The following NPLOC4 variants were observed in gnomAD, a reference collection of about 807,000 sequenced individuals.
NPLOC4 encodes the protein NPL4 homolog, ubiquitin recognition factor, also known as nuclear protein localization protein 4 homolog.
NPLOC4 carries 18 observed loss-of-function variants against 80.6 expected under a neutral mutation model. That is an observed-to-expected ratio of 0.22 (90% CI 0.15 to 0.33). The LOEUF (loss-of-function observed/expected upper bound fraction) is 0.33, where lower values mean the gene tolerates loss of function less well. Among genes scored for constraint, NPLOC4 ranks in the 10% least tolerant of loss-of-function variants. The pLI is 1.00. For missense variants in NPLOC4, 540 were observed against 786.1 expected (o/e 0.69, Z 3.74); for synonymous variants, 313 against 301.5 (o/e 1.04, Z -0.39).
At chr17:81,586,613 A>G (rs1276990766) in intron 12 of NPLOC4, among the ~76,000 whole-genome samples, 1 of 151,998 alleles carries the variant, frequency 6.6e-6, no homozygotes, top group Admixed American at 6.6e-5. Flanking sequence ...GTCTCAAAAA[A>G]AAAAAAAAAA....
chr17:81,632,013 G>A (rs1210204241), intron 1 of NPLOC4, among the ~76,000 whole-genome samples: 3 of 151,244 alleles, frequency 2.0e-5, no homozygotes, highest in Non-Finnish European at 4.4e-5. Context: ...AGGGTGGAGT[G>A]CAGTGGCGCA....
rs1477394068 is a variant in NPLOC4, at chr17:81,558,260, G to A, written c.*999C>T. The A allele has an allele frequency of 6.6e-6, 1 of 152,344 alleles. No homozygotes were observed. Among genetic ancestry groups the A allele is most frequent in the African/African-American group, 2.4e-5 (1 of 41,466 alleles). The allele number at this position is 152,344 out of a possible 1,614,324, so 9.4% of individuals were successfully genotyped here. On this transcript the variant is annotated 3_prime_UTR_variant, in exon 17 of 17. Transcript: ENST00000331134. Reference sequence around the variant, plus strand: ...AGAGGCACAGCCCCTAACGCCCTCAGCCAGGCGGTGCAGTGGGACGAAGCA... The same window carrying A: ...AGAGGCACAGCCCCTAACGCCCTCAACCAGGCGGTGCAGTGGGACGAAGCA...
At chr17:81,569,210 C>A (rs570549219) in intron 13 of NPLOC4, 99 bp from the exon 14 acceptor site, 4 of 721,826 alleles carry the variant, frequency 5.5e-6, no homozygotes, top group Non-Finnish European at 9.8e-6. Flanking sequence ...AAATTAACGA[C>A]TCCTAGCAAT....
chr17:81,613,559 T>G, intron 3 of NPLOC4, 65 bp from the exon 4 acceptor site: 1 of 1,504,040 alleles, frequency 6.6e-7, no homozygotes, highest in Admixed American at 2.2e-5. Flanking sequence ...GAAGCCCAAC[T>G]TGGATATCTG....
chr17:81,600,098 A>AT (rs900794077), intron 9 of NPLOC4, among the ~76,000 whole-genome samples: 138 of 145,980 alleles, frequency 9.5e-4, no homozygotes, highest in East Asian at 8.5e-3. Context: ...CTGCACTGGG[A>AT]TTTTTTTTTT....
chr17:81,624,301 C>T (rs997918018), intron 2 of NPLOC4, among the ~76,000 whole-genome samples: 1 of 152,116 alleles, frequency 6.6e-6, no homozygotes, highest in Non-Finnish European at 1.5e-5. Flanking sequence ...ACTTGTTATC[C>T]CAGCTACTCA....
At chr17:81,595,908 T>C (rs1285510798) in intron 11 of NPLOC4, among the ~76,000 whole-genome samples, 1 of 151,602 alleles carries the variant, frequency 6.6e-6, no homozygotes, top group Non-Finnish European at 1.5e-5. Flanking sequence ...CCTGATTCTG[T>C]TATGAGTTTT....
At chr17:81,590,748 T>G (rs944082086) in intron 11 of NPLOC4, among the ~76,000 whole-genome samples, 2 of 152,160 alleles carry the variant, frequency 1.3e-5, no homozygotes, top group Non-Finnish European at 2.9e-5. Flanking sequence ...AGAAACGTAG[T>G]GCACATGGCT....
intron 16 of NPLOC4, among the ~76,000 whole-genome samples, chr17:81,561,165 GC>G (rs1350695033): frequency 6.6e-6 from 1 of 152,058 alleles, no homozygotes; most frequent in Non-Finnish European, 1.5e-5. Context: ...CACCATGTTG[GC>G]CTGGCTGTCT....
chr17:81,563,784 G>T (rs538194291), intron 16 of NPLOC4: 2 of 353,124 alleles, frequency 5.7e-6, no homozygotes, highest in South Asian at 4.1e-5. Context: ...GCCATAAAAA[G>T]GAATGAAATC....
chr17:81,597,450 A>C, intron 9 of NPLOC4, 134 bp from the exon 10 acceptor site: 4 of 686,024 alleles, frequency 5.8e-6, no homozygotes, highest in South Asian at 4.9e-5. Flanking sequence ...AGAGATCGAG[A>C]CCATCCTGGC....
At chr17:81,560,051 T>C (rs879720490) in intron 16 of NPLOC4, among the ~76,000 whole-genome samples, 4 of 151,848 alleles carry the variant, frequency 2.6e-5, no homozygotes, top group Non-Finnish European at 4.4e-5. Flanking sequence ...TTTGAGCTAA[T>C]ATGAACAAAG....
chr17:81,630,804 G>C (rs1461007749), intron 1 of NPLOC4, among the ~76,000 whole-genome samples: 1 of 152,130 alleles, frequency 6.6e-6, no homozygotes, highest in Non-Finnish European at 1.5e-5. Flanking sequence ...TTAAACCAGG[G>C]AGGTCGAGGC....
chr17:81,584,988 G>A (rs2034534739), intron 12 of NPLOC4, among the ~76,000 whole-genome samples: 2 of 151,842 alleles, frequency 1.3e-5, no homozygotes, highest in South Asian at 2.1e-4. Context: ...TGGGCAACAT[G>A]GTGAAACCCT....
At position 81,565,114 on chromosome 17, in the gene NPLOC4, C is replaced by T. The variant is rs565985111; in HGVS notation, c.1669+391G>A. The T allele has an allele frequency of 1.2e-5, 7 of 588,754 alleles. No individual in the cohort carries two copies. In the South Asian group the frequency reaches 1.5e-4, roughly 13 times the overall value. The allele number at this position is 588,754 out of a possible 1,614,324, so 36.5% of individuals were successfully genotyped here. A position where few individuals can be genotyped will look rare whatever the true frequency, so the allele number is the denominator to read the frequency against. ...GGATGCTGCAGGCTTCTCCTCCTTA[C>T]AGCTTTAAGCACTAAAGGGAAATTC... On this transcript the variant is annotated intron_variant, in intron 16 of 16. Coordinates refer to ENST00000331134, the MANE Select transcript of NPLOC4 (RefSeq NM_017921.4).
chr17:81,614,785 C>G (rs1004411806), intron 3 of NPLOC4, among the ~76,000 whole-genome samples: 1 of 152,120 alleles, frequency 6.6e-6, no homozygotes, highest in Non-Finnish European at 1.5e-5. Context: ...GCCTGGGGTC[C>G]CAAGTGACCA....
intron 12 of NPLOC4, among the ~76,000 whole-genome samples, chr17:81,583,014 A>G (rs2034486195): frequency 6.6e-6 from 1 of 152,272 alleles, no homozygotes; most frequent in African/African-American, 2.4e-5. Context: ...CTGAGCGCCC[A>G]TGTGCGCCAG....
intron 2 of NPLOC4, 43 bp downstream of exon 2, chr17:81,629,682 G>A (rs552713814): frequency 2.0e-5 from 27 of 1,370,640 alleles, no homozygotes; most frequent in Middle Eastern, 1.8e-4. Flanking sequence ...TAAGAGTAGA[G>A]GATGAAAAAT....
intron 3 of NPLOC4, 51 bp downstream of exon 3, chr17:81,622,115 T>C (rs1478773903): frequency 1.8e-5 from 24 of 1,345,356 alleles, no homozygotes; most frequent in Admixed American, 1.3e-4. Flanking sequence ...GGGCAGATCA[T>C]GGGGACCTCA....
Sources: gnomAD v4.1 joint callset for allele counts (sites outside exome capture counted in the v4.1 genomes callset) on GRCh38, gnomAD v4.1.1 for gene constraint, MANE v1.5 for transcripts, NCBI Gene and HGNC (gene_info 2026-07-23, HGNC 2026-07-21) for gene names.